Variants in EGFR observed in about 807,000 individuals in gnomAD.
The protein encoded by EGFR is epidermal growth factor receptor.
In EGFR, 58 loss-of-function variants were observed where a neutral mutation model predicts 143.0. The ratio of observed to expected loss-of-function variants is 0.41; its 90% confidence interval spans 0.33 to 0.50. EGFR has a LOEUF of 0.50. Ranked by LOEUF, EGFR falls within the 20% of genes least tolerant of loss-of-function variation. EGFR has a pLI of 0.39. For synonymous variants in EGFR, 613 were observed against 594.4 expected (o/e 1.03, Z -0.45); for missense variants, 1,307 against 1,579.0 (o/e 0.83, Z 2.92).
At chr7:55,097,622 C>T (rs1043834391) in intron 1 of EGFR, among the ~76,000 whole-genome samples, 1 of 152,194 alleles carries the variant, frequency 6.6e-6, no homozygotes, top group Non-Finnish European at 1.5e-5. Context: ...ATTTCTCCTT[C>T]TAAATATACG....
At chr7:55,086,930 A>G (rs1189008614) in intron 1 of EGFR, among the ~76,000 whole-genome samples, 1 of 152,026 alleles carries the variant, frequency 6.6e-6, no homozygotes. Context: ...ATTTTTTTGC[A>G]CACAACACTA....
intron 1 of EGFR, among the ~76,000 whole-genome samples, chr7:55,092,499 C>G (rs1791187288): frequency 6.6e-6 from 1 of 152,208 alleles, no homozygotes; most frequent in South Asian, 2.1e-4. Flanking sequence ...AAGCCCAACC[C>G]TCTTACATTT....
rs1788175733 is a variant in EGFR, at chr7:55,208,981, CTA to C, written c.*3365_*3366del. On this transcript the variant is annotated 3_prime_UTR_variant, in exon 28 of 28. Coordinates refer to ENST00000275493, the MANE Select transcript of EGFR (RefSeq NM_005228.5). Reference sequence around the variant, plus strand: ...GCCTAAAGGAAGGGCCTGGTGGGATCTACTTGGCACTCGCTGGGGGGCCACCC... The same window carrying C: ...GCCTAAAGGAAGGGCCTGGTGGGATCCTTGGCACTCGCTGGGGGGCCACCC... The C allele has an allele frequency of 6.6e-6, 1 of 152,120 alleles. No homozygotes were observed. Among genetic ancestry groups the C allele is most frequent in the South Asian group, 2.1e-4 (1 of 4,812 alleles). 9.4% of individuals were successfully genotyped at this position (152,120 alleles called of 1,614,324 possible). A position where few individuals can be genotyped will look rare whatever the true frequency, so the allele number is the denominator to read the frequency against.
intron 1 of EGFR, among the ~76,000 whole-genome samples, chr7:55,037,786 C>A (rs1787678984): frequency 6.6e-6 from 1 of 152,216 alleles, no homozygotes; most frequent in African/African-American, 2.4e-5. Flanking sequence ...CTCAGATTTA[C>A]TTTCTCCCAG....
In EGFR at chr7:55,147,596, A is replaced by G. The variant is rs1794835850; in HGVS notation, c.559+856A>G. ...ATTTTTGTGTATTTGTTTTATTTTC[A>G]TTTTATGGATGGATTGTGATGAAAT... On this transcript the variant is annotated intron_variant, in intron 4 of 27. Coordinates refer to ENST00000275493, the MANE Select transcript of EGFR (RefSeq NM_005228.5). Among the ~76,000 whole-genome samples, 3 of 151,486 alleles carry G rather than the reference A, an allele frequency of 2.0e-5. No homozygotes were observed. The South Asian group carries it at 6.2e-4, about 32-fold the overall frequency.
chr7:55,172,999 A>G lies in EGFR; in HGVS notation c.1936A>G (p.Ile646Val), dbSNP rs140516819. The change falls in exon 17 of 28, where the codon ATC (isoleucine) becomes GTC (valine). Residue 646 changes from isoleucine (I) to valine (V), a missense_variant. Physicochemically the swap from Ile to Val is conservative, Grantham distance 29 (BLOSUM62 3). This residue lies in a region of EGFR where 348 missense variants were observed against 451.5 expected (regional missense o/e 0.77). Transcript: ENST00000275493. ...TCATTCCAGGCCTAAGATCCCGTCC[A>G]TCGCCACTGGGATGGTGGGGGCCCT... ...CPTNGPKIPS[I>V]ATGMVGALLL... 15 of 1,614,150 alleles carry G rather than the reference A, an allele frequency of 9.3e-6. No homozygotes were observed. Among genetic ancestry groups the G allele is most frequent in the Middle Eastern group, 1.6e-4 (1 of 6,062 alleles).
At chr7:55,088,085 A>C (rs1408360703) in intron 1 of EGFR, among the ~76,000 whole-genome samples, 1 of 151,136 alleles carries the variant, frequency 6.6e-6, no homozygotes. Context: ...ACACATTCTC[A>C]CTTCTTTGGC....
chr7:55,019,879 C>T (rs1463295459), intron 1 of EGFR, among the ~76,000 whole-genome samples: 2 of 152,202 alleles, frequency 1.3e-5, no homozygotes, highest in Non-Finnish European at 2.9e-5. Flanking sequence ...TACAGCCTCC[C>T]CTCGGACCCC....
At chr7:55,081,331 A>AG (rs1175052965) in intron 1 of EGFR, among the ~76,000 whole-genome samples, 2 of 152,130 alleles carry the variant, frequency 1.3e-5, no homozygotes, top group Non-Finnish European at 2.9e-5. Flanking sequence ...GGACGGTTGG[A>AG]GGGGGCTGTG....
At chr7:55,053,237 C>T (rs142911714) in intron 1 of EGFR, among the ~76,000 whole-genome samples, 4 of 152,252 alleles carry the variant, frequency 2.6e-5, no homozygotes, top group South Asian at 4.2e-4. Context: ...GGTTTCTTGA[C>T]GTGCTTCAGT....
chr7:55,133,096 T>C (rs938869294), intron 1 of EGFR, among the ~76,000 whole-genome samples: 6 of 152,102 alleles, frequency 3.9e-5, no homozygotes, highest in African/African-American at 1.4e-4. Context: ...CTGAACTGAA[T>C]AGAAGATAGA....
At chr7:55,197,315 G>A (rs1481233721) in intron 22 of EGFR, among the ~76,000 whole-genome samples, 1 of 152,100 alleles carries the variant, frequency 6.6e-6, no homozygotes, top group Non-Finnish European at 1.5e-5. Context: ...CAGCTTGACT[G>A]TTGTTGGCAT....
chr7:55,024,372 G>A (rs144871335), intron 1 of EGFR, among the ~76,000 whole-genome samples: 1 of 152,170 alleles, frequency 6.6e-6, no homozygotes, highest in Non-Finnish European at 1.5e-5. Context: ...ACTAACATGG[G>A]GGAGTAGAAT....
At chr7:55,096,844 C>A (rs1484121625) in intron 1 of EGFR, among the ~76,000 whole-genome samples, 1 of 152,088 alleles carries the variant, frequency 6.6e-6, no homozygotes. Context: ...GCACAGGGTC[C>A]CTCCTGGAGT....
At chr7:55,105,042 G>A (rs1792049725) in intron 1 of EGFR, among the ~76,000 whole-genome samples, 1 of 152,178 alleles carries the variant, frequency 6.6e-6, no homozygotes, top group South Asian at 2.1e-4. Flanking sequence ...TGCTGCAGGG[G>A]TGCCCCTTTA....
intron 20 of EGFR, among the ~76,000 whole-genome samples, chr7:55,187,027 G>A (rs895320346): frequency 4.6e-5 from 7 of 152,208 alleles, no homozygotes; most frequent in Non-Finnish European, 8.8e-5. Flanking sequence ...GCCTCTGTGG[G>A]TGAGAGTTGG....
chr7:55,191,964 G>A (rs2128964918), intron 21 of EGFR, 90 bp downstream of exon 21: 1 of 1,574,720 alleles, frequency 6.4e-7, no homozygotes, highest in East Asian at 2.3e-5. Context: ...ACACATGCAG[G>A]GGAGGATGCT....
intron 1 of EGFR, among the ~76,000 whole-genome samples, chr7:55,138,250 T>C (rs1232572812): frequency 6.6e-6 from 1 of 152,214 alleles, no homozygotes; most frequent in Non-Finnish European, 1.5e-5. Flanking sequence ...TCCTAAGTCA[T>C]AGGGCCTGCT....
chr7:55,076,729 A>G (rs1790151513), intron 1 of EGFR, among the ~76,000 whole-genome samples: 1 of 152,192 alleles, frequency 6.6e-6, no homozygotes, highest in African/African-American at 2.4e-5. Context: ...GAACTTCATT[A>G]GTAGAGCACA....
Sources: allele counts gnomAD v4.1 joint callset (sites outside exome capture counted in the v4.1 genomes callset), GRCh38; gene constraint gnomAD v4.1.1; regional missense constraint gnomAD v4.1.1; transcripts MANE v1.5; gene names NCBI Gene and HGNC (gene_info 2026-07-23, HGNC 2026-07-21).